Variants in CNOT9 observed in about 807,000 individuals in gnomAD.
CNOT9 encodes the protein RCD1 required for cell differentiation1 homolog.
CNOT9 carries 8 observed loss-of-function variants against 37.4 expected under a neutral mutation model. The observed-to-expected ratio is 0.21, with a 90% confidence interval of 0.13 to 0.39. CNOT9 has a LOEUF of 0.39. CNOT9 is among the 10% of genes least tolerant of loss of function. The pLI is 1.00. For synonymous variants in CNOT9, 120 were observed against 137.6 expected, an observed-to-expected ratio of 0.87 and a Z score of 0.90; for missense variants, 154 against 365.3, an observed-to-expected ratio of 0.42 and a Z score of 4.71.
At chr2:218,584,766 G>A (rs766828754) in intron 4 of CNOT9, 45 bp downstream of exon 4, 2 of 1,331,378 alleles carry the variant, frequency 1.5e-6, no homozygotes, top group Non-Finnish European at 2.2e-6. Flanking sequence ...ACTCACAGTA[G>A]TAGTCTAAGT....
intron 1 of CNOT9, among the ~76,000 whole-genome samples, chr2:218,572,039 G>A (rs547831659): frequency 2.6e-5 from 4 of 152,042 alleles, no homozygotes; most frequent in African/African-American, 7.2e-5. Flanking sequence ...AACAAAATGC[G>A]GCCGGGTACT....
chr2:218,569,728 C>A (rs1456898939), intron 1 of CNOT9, among the ~76,000 whole-genome samples: 3 of 152,286 alleles, frequency 2.0e-5, no homozygotes, highest in East Asian at 1.9e-4. Flanking sequence ...TATTTTTCTC[C>A]AAGATGCACT....
chr2:218,586,361 CA>C (rs1420362170), intron 4 of CNOT9, among the ~76,000 whole-genome samples: 1 of 152,094 alleles, frequency 6.6e-6, no homozygotes, highest in Admixed American at 6.6e-5. Context: ...GAAGAGACAC[CA>C]AAGAGCTTGT....
intron 5 of CNOT9, among the ~76,000 whole-genome samples, chr2:218,590,058 T>TG (rs201324468): frequency 3.3e-4 from 49 of 149,450 alleles, no homozygotes; most frequent in African/African-American, 1.2e-3. Context: ...TTTTCTGTTT[T>TG]TTTTTTTGTT....
rs769996140 is a variant in CNOT9, at chr2:218,597,034, A to G, written c.*2758A>G. On this transcript the variant is annotated 3_prime_UTR_variant, in exon 8 of 8. Coordinates refer to ENST00000273064, the MANE Select transcript of CNOT9 (RefSeq NM_005444.3). Reference sequence around the variant, plus strand: ...TGTTCCTGCTGCTTAAAGGCTAGGAAAAGGGGGATATACAAAGTTGTTGCT... The same window carrying G: ...TGTTCCTGCTGCTTAAAGGCTAGGAGAAGGGGGATATACAAAGTTGTTGCT... The G allele has an allele frequency of 6.6e-6, 1 of 151,296 alleles. No individual in the cohort carries two copies. Among genetic ancestry groups the G allele is most frequent in the Non-Finnish European group, 1.5e-5 (1 of 67,932 alleles). 9.4% of individuals were successfully genotyped at this position (151,296 alleles called of 1,614,324 possible). A position where few individuals can be genotyped will look rare whatever the true frequency, so the allele number is the denominator to read the frequency against.
chr2:218,573,828 A>C, intron 1 of CNOT9: 1 of 253,448 alleles, frequency 3.9e-6, no homozygotes, highest in South Asian at 3.4e-5. Context: ...TTTCTTGGGG[A>C]AAAAAGGTGT....
intron 1 of CNOT9, among the ~76,000 whole-genome samples, chr2:218,576,122 T>C (rs1230451523): frequency 6.6e-6 from 1 of 152,166 alleles, no homozygotes; most frequent in African/African-American, 2.4e-5. Context: ...CCGTACCCCT[T>C]CTTCTACTGC....
At chr2:218,571,770 A>G (rs1694003004) in intron 1 of CNOT9, among the ~76,000 whole-genome samples, 1 of 135,214 alleles carries the variant, frequency 7.4e-6, no homozygotes, top group Non-Finnish European at 1.6e-5. Flanking sequence ...TTTTTAGTAG[A>G]GATGGGGTTT....
At chr2:218,573,962 A>AT (rs929514598) in intron 1 of CNOT9, 3 of 416,058 alleles carry the variant, frequency 7.2e-6, no homozygotes, top group East Asian at 8.5e-5. Context: ...TGTTGACTTT[A>AT]TTTTTTTATT....
Position 218,580,547 on chromosome 2 carries a change from G to A in CNOT9, c.25-14G>A, listed in dbSNP as rs748644571. ...CTAATAAACTGATATTTACTTTCTT[G>A]TCTTCATCTGAAGCCTGTGCCTACT... On this transcript the variant is annotated splice_polypyrimidine_tract_variant and intron_variant, in intron 1 of 7. Coordinates refer to ENST00000273064, the MANE Select transcript of CNOT9 (RefSeq NM_005444.3). 3.8e-6 allele frequency: 6 copies of A among 1,590,346 alleles called. No homozygotes were observed. The highest frequency in any genetic ancestry group is 5.1e-6 in the Non-Finnish European group (6 of 1,168,068).
At chr2:218,588,906 T>C (rs1213933592) in intron 5 of CNOT9, among the ~76,000 whole-genome samples, 2 of 152,034 alleles carry the variant, frequency 1.3e-5, no homozygotes, top group Non-Finnish European at 2.9e-5. Flanking sequence ...ATATTACTTG[T>C]GTCTTTTTTG....
intron 1 of CNOT9, among the ~76,000 whole-genome samples, chr2:218,569,413 T>C (rs192501738): frequency 6.6e-6 from 1 of 152,336 alleles, no homozygotes; most frequent in Admixed American, 6.5e-5. Flanking sequence ...GCTTTATTTA[T>C]GGAAAACCTG....
chr2:218,595,701 C>T lies in CNOT9; in HGVS notation c.*1425C>T, dbSNP rs3731873. 2.1e-4 allele frequency: 32 copies of T among 150,820 alleles called. No individual in the cohort carries two copies. In the East Asian group the frequency reaches 5.7e-3, roughly 27 times the overall value. 9.3% of individuals were successfully genotyped at this position (150,820 alleles called of 1,614,324 possible). A position where few individuals can be genotyped will look rare whatever the true frequency, so the allele number is the denominator to read the frequency against. On this transcript the variant is annotated 3_prime_UTR_variant, in exon 8 of 8. Transcript: ENST00000273064. ...AAGTCTTTTCTGCCCACATCTCACACAATTGAGGTGTCTGAACAAGCTTGG... is the reference window on the plus strand; with the variant it reads ...AAGTCTTTTCTGCCCACATCTCACATAATTGAGGTGTCTGAACAAGCTTGG...
chr2:218,572,543 A>C (rs1187908794), intron 1 of CNOT9: 1 of 288,828 alleles, frequency 3.5e-6, no homozygotes, highest in Admixed American at 6.5e-5. Flanking sequence ...CTATCTCTAC[A>C]AAAAATGTTT....
intron 4 of CNOT9, among the ~76,000 whole-genome samples, chr2:218,585,066 C>T (rs888660416): frequency 6.6e-6 from 1 of 151,714 alleles, no homozygotes; most frequent in African/African-American, 2.4e-5. Flanking sequence ...TCTCCTCTTC[C>T]CTTCTCTCTT....
chr2:218,568,852 A>T lies in CNOT9; in HGVS notation c.-103A>T. On this transcript the variant is annotated 5_prime_UTR_variant, in exon 1 of 8. An upstream start codon of the reference 5' UTR is lost. Coordinates refer to ENST00000273064, the MANE Select transcript of CNOT9 (RefSeq NM_005444.3). ...AGTGGGCGGAGCGAGCCGGAGTCGG[A>T]TGGCGGCTACGGCGGCTCATTGTTT... 1 of 1,359,320 alleles carries T rather than the reference A, an allele frequency of 7.4e-7. No homozygotes were observed. The highest frequency in any genetic ancestry group is 2.5e-5 in the East Asian group (1 of 39,280). 84.2% of individuals were successfully genotyped at this position (1,359,320 alleles called of 1,614,324 possible).
rs1157298343 is a variant in CNOT9, at chr2:218,595,818, CAA to C, written c.*1544_*1545del. 2.6e-5 allele frequency: 4 copies of C among 151,460 alleles called. No individual in the cohort carries two copies. Among genetic ancestry groups the C allele is most frequent in the Non-Finnish European group, 5.9e-5 (4 of 67,960 alleles). 9.4% of individuals were successfully genotyped at this position (151,460 alleles called of 1,614,324 possible). ...AAGGGCTCTTTCAAGCCGACTTTCA[CAA>C]AGAGAGCCGGACTTGTTAGTTGGCT... On this transcript the variant is annotated 3_prime_UTR_variant, in exon 8 of 8. Transcript: ENST00000273064.
At chr2:218,586,488 CTTTTT>C (rs779670750) in intron 4 of CNOT9, among the ~76,000 whole-genome samples, 1 of 137,742 alleles carries the variant, frequency 7.3e-6, no homozygotes. Context: ...CTGATCTCAG[CTTTTT>C]TTTTTTTTTT....
At chr2:218,580,265 G>A (rs1002123446) in intron 1 of CNOT9, among the ~76,000 whole-genome samples, 14 of 152,066 alleles carry the variant, frequency 9.2e-5, no homozygotes, top group African/African-American at 1.9e-4. Flanking sequence ...CACCGCGCCC[G>A]GCCACTTTTC....
Sources: allele counts gnomAD v4.1 joint callset (sites outside exome capture counted in the v4.1 genomes callset), GRCh38; gene constraint gnomAD v4.1.1; transcripts MANE v1.5; gene names NCBI Gene and HGNC (gene_info 2026-07-23, HGNC 2026-07-21).